The following PRKN variants were observed in gnomAD, a reference collection of about 807,000 sequenced individuals.
PRKN encodes E3 ubiquitin-protein ligase parkin.
Under a neutral mutation model 59.5 loss-of-function variants are expected in PRKN, and 56 were observed. The ratio of observed to expected loss-of-function variants is 0.94; its 90% CI spans 0.76 to 1.18. The LOEUF (loss-of-function observed/expected upper bound fraction) is 1.18. Among genes scored for constraint, PRKN ranks in the 50% most tolerant of loss-of-function variants. The pLI is 0.00. For missense variants in PRKN, 657 were observed against 596.4 expected (o/e 1.10, Z -1.06); for synonymous variants, 250 against 222.1 (o/e 1.13, Z -1.12).
intron 1 of PRKN, among the ~76,000 whole-genome samples, chr6:162,566,619 TA>T (rs774540791): frequency 2.0e-5 from 3 of 152,042 alleles, no homozygotes; most frequent in Admixed American, 6.6e-5. Context: ...CAATAACAAG[TA>T]ACAAGATTAA....
At chr6:162,537,256 C>G (rs1018340361) in intron 1 of PRKN, among the ~76,000 whole-genome samples, 1 of 152,062 alleles carries the variant, frequency 6.6e-6, no homozygotes. Context: ...TCCCTTCCAC[C>G]CTATATCCAA....
At chr6:161,368,589 C>G (rs1785318582) in intron 10 of PRKN, among the ~76,000 whole-genome samples, 1 of 151,568 alleles carries the variant, frequency 6.6e-6, no homozygotes, top group Non-Finnish European at 1.5e-5. Flanking sequence ...ACCACCACCA[C>G]CAGCACCCAG....
At chr6:161,732,900 A>G (rs1787782750) in intron 7 of PRKN, among the ~76,000 whole-genome samples, 1 of 152,152 alleles carries the variant, frequency 6.6e-6, no homozygotes, top group African/African-American at 2.4e-5. Flanking sequence ...CCTCAGGAGA[A>G]TTTTCTAGGG....
At chr6:162,549,420 CATT>C (rs1779245363) in intron 1 of PRKN, among the ~76,000 whole-genome samples, 1 of 152,154 alleles carries the variant, frequency 6.6e-6, no homozygotes, top group African/African-American at 2.4e-5. Context: ...ATTTCTCAGA[CATT>C]ATAAAAATTA....
At chr6:162,282,953 T>C (rs1046969472) in intron 2 of PRKN, among the ~76,000 whole-genome samples, 2 of 152,134 alleles carry the variant, frequency 1.3e-5, no homozygotes, top group Non-Finnish European at 2.9e-5. Context: ...AAAATACTCA[T>C]TTAATTCCTG....
chr6:161,433,819 C>T (rs922370785), intron 9 of PRKN, among the ~76,000 whole-genome samples: 21 of 152,044 alleles, frequency 1.4e-4, no homozygotes, highest in African/African-American at 4.6e-4. Flanking sequence ...GAGTTCAAGA[C>T]CCGCCTGGCC....
chr6:162,487,031 T>C (rs532691229), intron 1 of PRKN, among the ~76,000 whole-genome samples: 104 of 151,834 alleles, frequency 6.8e-4, no homozygotes, highest in African/African-American at 2.2e-3. Flanking sequence ...GATCGCACCA[T>C]TGCACTCCAG....
intron 4 of PRKN, among the ~76,000 whole-genome samples, chr6:162,185,075 G>A (rs1446094646): frequency 6.6e-6 from 1 of 152,038 alleles, no homozygotes; most frequent in African/African-American, 2.4e-5. Context: ...CTTGTATTGG[G>A]CTCTGCTTCT....
chr6:161,352,755 G>GTGTATATATATATATATA lies in PRKN; in HGVS notation c.1286-2545_1286-2544insTATATATATATATATACA, dbSNP rs766949960. Reference sequence around the variant, plus strand: ...TGTGTGTGTGTGTGTGTGTGTGTGTGTATATATATATATATATTTTATTTT... The same window carrying GTGTATATATATATATATA: ...TGTGTGTGTGTGTGTGTGTGTGTGTGTGTATATATATATATATATATATATATATATATATTTTATTTT... On this transcript the variant is annotated intron_variant, in intron 11 of 11. Transcript: ENST00000366898. The surrounding 1 kb of genome is among the most constrained non-coding windows in gnomAD (Gnocchi z 5.8). Among the ~76,000 whole-genome samples the GTGTATATATATATATATA allele has an allele frequency of 4.8e-4, 65 of 134,344 alleles. No homozygotes were observed. The highest frequency in any genetic ancestry group is 1.7e-3 in the African/African-American group (62 of 35,756). 88.1% of individuals were successfully genotyped at this position (134,344 alleles called of 152,430 possible).
chr6:161,728,482 G>GC (rs1224067537), intron 7 of PRKN, among the ~76,000 whole-genome samples: 2 of 152,084 alleles, frequency 1.3e-5, no homozygotes, highest in East Asian at 1.9e-4. Flanking sequence ...GCTTGTCACC[G>GC]CCCCCCACCT....
chr6:162,373,496 G>T (rs1003673054), intron 2 of PRKN, among the ~76,000 whole-genome samples: 3 of 152,022 alleles, frequency 2.0e-5, no homozygotes, highest in Admixed American at 6.6e-5. Flanking sequence ...GTAAGGGATT[G>T]ATTTTTTTTC....
intron 7 of PRKN, among the ~76,000 whole-genome samples, chr6:161,596,902 CAG>C (rs1376762495): frequency 2.6e-5 from 4 of 152,170 alleles, no homozygotes; most frequent in Non-Finnish European, 5.9e-5. Flanking sequence ...CTCTCTGACT[CAG>C]AGAATTGATG....
At chr6:162,499,904 C>T (rs1451045401) in intron 1 of PRKN, among the ~76,000 whole-genome samples, 1 of 151,984 alleles carries the variant, frequency 6.6e-6, no homozygotes, top group East Asian at 1.9e-4. Context: ...AAAAAGAAAA[C>T]CTTACCAAAA....
intron 7 of PRKN, among the ~76,000 whole-genome samples, chr6:161,587,608 A>T (rs1053667414): frequency 6.6e-6 from 1 of 152,166 alleles, no homozygotes; most frequent in African/African-American, 2.4e-5. Context: ...AATGAAGGCT[A>T]TTTAAAGATG....
chr6:162,295,534 C>T (rs182037561), intron 2 of PRKN, among the ~76,000 whole-genome samples: 1 of 152,246 alleles, frequency 6.6e-6, no homozygotes, highest in Admixed American at 6.5e-5. Flanking sequence ...GGAACTTATT[C>T]TGACTTTAGA....
intron 6 of PRKN, among the ~76,000 whole-genome samples, chr6:161,941,675 T>C (rs556474036): frequency 1.3e-5 from 2 of 152,144 alleles, no homozygotes; most frequent in Non-Finnish European, 2.9e-5. Context: ...TCAGGAGCTG[T>C]AAACATTCAC....
intron 9 of PRKN, among the ~76,000 whole-genome samples, chr6:161,532,028 A>G (rs1319396151): frequency 1.3e-5 from 2 of 152,104 alleles, no homozygotes; most frequent in African/African-American, 4.8e-5. Flanking sequence ...AAATTTGCAA[A>G]TCTTCACCAT....
intron 6 of PRKN, among the ~76,000 whole-genome samples, chr6:161,871,350 G>A (rs192868712): frequency 2.1e-4 from 32 of 151,992 alleles, no homozygotes; most frequent in African/African-American, 7.7e-4. Context: ...CATGAAGAAA[G>A]AGCCCTACTT....
chr6:161,381,487 G>A (rs1216598950), intron 10 of PRKN, among the ~76,000 whole-genome samples: 2 of 152,174 alleles, frequency 1.3e-5, no homozygotes, highest in African/African-American at 2.4e-5. Flanking sequence ...AATCAAGCAC[G>A]ATACAAGTGC....
Sources: allele counts gnomAD v4.1 joint callset (sites outside exome capture counted in the v4.1 genomes callset), GRCh38; gene constraint gnomAD v4.1.1; non-coding constraint Gnocchi (gnomAD v3.1); transcripts MANE v1.5; gene names NCBI Gene and HGNC (gene_info 2026-07-23, HGNC 2026-07-21).